WDSUB1: variants seen among roughly 807,000 people sequenced by gnomAD.
WDSUB1 encodes WD repeat, SAM and U-box domain-containing protein 1.
A neutral mutation model predicts 53.9 loss-of-function variants in WDSUB1; 49 were observed. The ratio of observed to expected loss-of-function variants is 0.91; its 90% CI spans 0.72 to 1.15. The LOEUF (loss-of-function observed/expected upper bound fraction) is 1.15, where lower values mean the gene tolerates loss of function less well. WDSUB1 is among the 50% of genes most tolerant of loss of function. The pLI, the probability that WDSUB1 is intolerant of heterozygous loss-of-function variation, is 0.00. For synonymous variants in WDSUB1, 194 were observed against 200.6 expected (o/e 0.97, Z 0.28); for missense variants, 514 against 562.0 (o/e 0.91, Z 0.86).
chr2:159,278,729 T>C (rs79598815), intron 3 of WDSUB1, among the ~76,000 whole-genome samples: 327 of 152,278 alleles, frequency 2.1e-3, no homozygotes, highest in African/African-American at 7.6e-3. Flanking sequence ...AAAAAATGCA[T>C]AAGGCCAAGA....
intron 10 of WDSUB1, among the ~76,000 whole-genome samples, chr2:159,242,418 G>A (rs2060679600): frequency 6.8e-6 from 1 of 146,076 alleles, no homozygotes; most frequent in Admixed American, 6.6e-5. Flanking sequence ...TGTAATCCCA[G>A]CATTTTGGGA....
At chr2:159,281,292 A>G (rs2061658515) in intron 2 of WDSUB1, among the ~76,000 whole-genome samples, 1 of 152,050 alleles carries the variant, frequency 6.6e-6, no homozygotes, top group Non-Finnish European at 1.5e-5. Flanking sequence ...AGGCTGGGGT[A>G]CAGTAGTGCA....
intron 10 of WDSUB1, among the ~76,000 whole-genome samples, chr2:159,237,591 T>G (rs1202986360): frequency 1.3e-5 from 2 of 152,136 alleles, no homozygotes; most frequent in Non-Finnish European, 2.9e-5. Context: ...TGTCCAATCC[T>G]TGTTACCCAC....
intron 5 of WDSUB1, among the ~76,000 whole-genome samples, chr2:159,267,648 C>A (rs954079712): frequency 2.0e-5 from 3 of 152,144 alleles, no homozygotes; most frequent in African/African-American, 7.2e-5. Context: ...GCTGTCCATT[C>A]ACTTTTCATC....
intron 10 of WDSUB1, among the ~76,000 whole-genome samples, chr2:159,238,391 C>T (rs1259523355): frequency 2.0e-5 from 3 of 152,202 alleles, no homozygotes; most frequent in Admixed American, 6.5e-5. Context: ...TCAAGTGACC[C>T]TCCTTACATC....
intron 10 of WDSUB1, among the ~76,000 whole-genome samples, chr2:159,239,207 G>A (rs1027084432): frequency 2.7e-5 from 4 of 149,624 alleles, no homozygotes; most frequent in African/African-American, 7.6e-5. Context: ...GTCTCATTAC[G>A]TTGCCCAGGC....
intron 8 of WDSUB1, 78 bp downstream of exon 8, chr2:159,257,680 G>A (rs1300630355): frequency 2.5e-5 from 33 of 1,311,044 alleles, no homozygotes; most frequent in Non-Finnish European, 3.3e-5. Context: ...GAGCCGCGGT[G>A]CCCAGCCCGA....
chr2:159,273,317 AG>A (rs1410037349), intron 4 of WDSUB1, among the ~76,000 whole-genome samples: 1 of 152,190 alleles, frequency 6.6e-6, no homozygotes, highest in Non-Finnish European at 1.5e-5. Context: ...CAACAATAAT[AG>A]GTTATGTCCT....
intron 5 of WDSUB1, among the ~76,000 whole-genome samples, chr2:159,267,298 CTTTCT>C (rs373366309): frequency 1.3e-3 from 145 of 114,442 alleles, no homozygotes; most frequent in Non-Finnish European, 1.5e-3. Context: ...CCTCTTTTTT[CTTTCT>C]TTTTTTTTTT....
At chr2:159,285,156 T>C (rs2061761103) in intron 1 of WDSUB1, among the ~76,000 whole-genome samples, 1 of 152,244 alleles carries the variant, frequency 6.6e-6, no homozygotes, top group South Asian at 2.1e-4. Flanking sequence ...AGGCACCTAA[T>C]GTACTTAAAT....
chr2:159,257,721 GGGGTTGAAATGAGTGAAAAATGAT>G lies in WDSUB1; in HGVS notation c.952+13_952+36del. On this transcript the variant is annotated intron_variant, in intron 8 of 10. Transcript: ENST00000359774. ...TAACTTTCTGACCCTAATGGTGAGTGGGGTTGAAATGAGTGAAAAATGATGTCCTTACTAACCTTGGCAAAGTGT... is the reference window on the plus strand; with the variant it reads ...TAACTTTCTGACCCTAATGGTGAGTGGTCCTTACTAACCTTGGCAAAGTGT... 1.3e-6 allele frequency: 2 copies of G among 1,552,420 alleles called. No individual in the cohort carries two copies. The highest frequency in any genetic ancestry group is 1.8e-6 in the Non-Finnish European group (2 of 1,124,522).
chr2:159,255,162 A>G (rs1283068723), intron 9 of WDSUB1, among the ~76,000 whole-genome samples: 1 of 151,926 alleles, frequency 6.6e-6, no homozygotes, highest in Non-Finnish European at 1.5e-5. Flanking sequence ...CCACACAAAA[A>G]GAGATAGAAA....
At chr2:159,244,135 G>GCA (rs1361531981) in intron 10 of WDSUB1, among the ~76,000 whole-genome samples, 36 of 152,240 alleles carry the variant, frequency 2.4e-4, no homozygotes, top group Non-Finnish European at 4.1e-4. Flanking sequence ...AATGGTGAAA[G>GCA]TTGAATGCTT....
At chr2:159,275,093 G>A (rs1170981495) in intron 4 of WDSUB1, among the ~76,000 whole-genome samples, 3 of 152,168 alleles carry the variant, frequency 2.0e-5, no homozygotes, top group Non-Finnish European at 2.9e-5. Flanking sequence ...TGTAAAAAGA[G>A]AGATGAATTA....
intron 9 of WDSUB1, among the ~76,000 whole-genome samples, chr2:159,251,088 CTCTT>C (rs2060940841): frequency 8.4e-6 from 1 of 118,356 alleles, no homozygotes. Flanking sequence ...CATAGCAAGA[CTCTT>C]TCTCTACAAA....
intron 6 of WDSUB1, among the ~76,000 whole-genome samples, chr2:159,258,658 C>CA (rs951419720): frequency 1.3e-5 from 2 of 151,892 alleles, no homozygotes; most frequent in Non-Finnish European, 2.9e-5. Context: ...GAGTCTGTCT[C>CA]AAAAAAACAA....
At chr2:159,242,989 GA>G (rs2060700475) in intron 10 of WDSUB1, among the ~76,000 whole-genome samples, 1 of 147,890 alleles carries the variant, frequency 6.8e-6, no homozygotes, top group African/African-American at 2.6e-5. Flanking sequence ...GTGGGAAAAG[GA>G]AAGTAGAAGA....
At position 159,247,543 on chromosome 2, in the gene WDSUB1, G is replaced by T. The variant is rs564783412; in HGVS notation, c.1273+829C>A. Among the ~76,000 whole-genome samples, 38 of 150,402 alleles carry T rather than the reference G, an allele frequency of 2.5e-4. No homozygotes were observed. The South Asian group carries it at 4.5e-3, about 18-fold the overall frequency. ...TATATTACTGGCAGCACTCTAAACT[G>T]TTTTTTTTTCCTAGAAAATAACACA... On this transcript the variant is annotated intron_variant, in intron 10 of 10. Coordinates refer to ENST00000359774, the MANE Select transcript of WDSUB1 (RefSeq NM_001128212.3).
intron 5 of WDSUB1, among the ~76,000 whole-genome samples, chr2:159,263,986 G>A (rs2061281533): frequency 2.0e-5 from 3 of 152,170 alleles, no homozygotes; most frequent in African/African-American, 7.2e-5. Context: ...ATGAAGCTGG[G>A]AGAAGACACG....
Sources: allele counts gnomAD v4.1 joint callset (sites outside exome capture counted in the v4.1 genomes callset), GRCh38; gene constraint gnomAD v4.1.1; transcripts MANE v1.5; gene names NCBI Gene and HGNC (gene_info 2026-07-23, HGNC 2026-07-21).